Variants in OSCP1 observed in about 807,000 individuals in gnomAD.
The protein encoded by OSCP1 is organic solute carrier partner 1, also known as protein OSCP1.
In OSCP1, 35 loss-of-function variants were observed where a neutral mutation model predicts 45.1. That is an observed-to-expected ratio of 0.78 (90% CI 0.59 to 1.03). The LOEUF (loss-of-function observed/expected upper bound fraction) is 1.03. Ranked by LOEUF, OSCP1 falls within the 50% of genes least tolerant of loss-of-function variation. The pLI, the probability that OSCP1 is intolerant of heterozygous loss-of-function variation, is 0.00. For missense variants in OSCP1, 400 were observed against 470.7 expected (o/e 0.85, Z 1.39); for synonymous variants, 179 against 180.1 (o/e 0.99, Z 0.05).
chr1:36,421,044 A>T (rs1261751755), intron 7 of OSCP1, among the ~76,000 whole-genome samples: 2 of 151,682 alleles, frequency 1.3e-5, no homozygotes, highest in African/African-American at 2.4e-5. Context: ...CCCTCCTCTC[A>T]CAGTCCTCAT....
intron 1 of OSCP1, among the ~76,000 whole-genome samples, chr1:36,443,664 G>GTT (rs1292838372): frequency 6.6e-6 from 1 of 152,174 alleles, no homozygotes; most frequent in African/African-American, 2.4e-5. Context: ...AAACAAAGTT[G>GTT]TTTTAAGGAC....
At position 36,432,475 on chromosome 1, in the gene OSCP1, C is replaced by T. The variant is rs1444020145; in HGVS notation, c.382G>A (p.Asp128Asn). The change falls in exon 3 of 10, where the codon GAC (aspartate) becomes AAC (asparagine). Residue 128 changes from aspartate (D) to asparagine (N), a missense_variant. By Grantham distance (23) the Asp-to-Asn change is conservative (BLOSUM62 1). Coordinates refer to ENST00000235532, the MANE Select transcript of OSCP1 (RefSeq NM_145047.5). ...HLDTIKGFIR[D>N]SPTILQQVDE... ...ACTTGCTGCAGGATGGTTGGGGAGT[C>T]TCGGATGAATCCCTTGATGGTATCC... 1.2e-6 allele frequency: 2 copies of T among 1,614,024 alleles called. No individual in the cohort carries two copies. The highest frequency in any genetic ancestry group is 1.3e-5 in the African/African-American group (1 of 74,898).
chr1:36,420,331 T>A, intron 8 of OSCP1, 145 bp downstream of exon 8: 1 of 1,026,626 alleles, frequency 9.7e-7, no homozygotes, highest in South Asian at 1.7e-5. Flanking sequence ...CCTGGTGGGC[T>A]ATTTAGATTA....
At chr1:36,449,693 T>C (rs1213625595) in intron 1 of OSCP1, among the ~76,000 whole-genome samples, 1 of 146,126 alleles carries the variant, frequency 6.8e-6, no homozygotes, top group Non-Finnish European at 1.5e-5. Flanking sequence ...AAAAATTAGC[T>C]GGGTGTGGTG....
rs191498125 is a variant in OSCP1, at chr1:36,438,964, C to T, written c.113-54G>A. On this transcript the variant is annotated intron_variant, in intron 1 of 9. Transcript: ENST00000235532. ...GCAAAGTACTGAAGCAAGCCTATCCCGAAATGCTCTTTGTGTGCAGGTACA... is the reference window on the plus strand; with the variant it reads ...GCAAAGTACTGAAGCAAGCCTATCCTGAAATGCTCTTTGTGTGCAGGTACA... 1,018 of 1,574,150 alleles carry T rather than the reference C, an allele frequency of 6.5e-4. 4 individuals carry two copies. The highest frequency in any genetic ancestry group is 1.3e-3 in the South Asian group (113 of 86,572).
chr1:36,428,208 A>AAG, intron 4 of OSCP1: 2 of 1,363,066 alleles, frequency 1.5e-6, no homozygotes, highest in Non-Finnish European at 9.5e-7. Flanking sequence ...AAAAAAAAAA[A>AAG]AAGAAAGAAA....
chr1:36,450,179 G>T, intron 1 of OSCP1, 79 bp downstream of exon 1: 2 of 1,158,804 alleles, frequency 1.7e-6, no homozygotes, highest in Non-Finnish European at 2.6e-6. Context: ...GTGCGGGTCT[G>T]GCTGTGGGTG....
At chr1:36,427,397 A>G (rs1170845643) in intron 4 of OSCP1, among the ~76,000 whole-genome samples, 1 of 150,306 alleles carries the variant, frequency 6.7e-6, no homozygotes. Context: ...TCCTAGGCTC[A>G]AGGAATCCTC....
intron 3 of OSCP1, 132 bp downstream of exon 3, chr1:36,432,290 A>T: frequency 9.0e-7 from 1 of 1,116,462 alleles, no homozygotes; most frequent in Non-Finnish European, 1.3e-6. Context: ...ATTGCTTTTC[A>T]GAATGTTCTG....
chr1:36,439,309 C>G (rs1258550490), intron 1 of OSCP1, among the ~76,000 whole-genome samples: 1 of 152,052 alleles, frequency 6.6e-6, no homozygotes, highest in Non-Finnish European at 1.5e-5. Context: ...TCACTTGATG[C>G]CAGGAGTTTG....
At chr1:36,444,045 A>G in intron 1 of OSCP1, 2 of 1,612,632 alleles carry the variant, frequency 1.2e-6, no homozygotes, top group Non-Finnish European at 8.5e-7. Flanking sequence ...TACATGAAGC[A>G]TACAAAAAGA....
chr1:36,423,904 A>C (rs1647810318), intron 4 of OSCP1, among the ~76,000 whole-genome samples: 1 of 151,988 alleles, frequency 6.6e-6, no homozygotes, highest in African/African-American at 2.4e-5. Context: ...AAAAGAAGGG[A>C]GAAAAAATTA....
At chr1:36,443,537 C>T (rs1448744125) in intron 1 of OSCP1, among the ~76,000 whole-genome samples, 1 of 152,188 alleles carries the variant, frequency 6.6e-6, no homozygotes, top group African/African-American at 2.4e-5. Context: ...CTTCTGCCCA[C>T]AGTCCTGGCA....
intron 1 of OSCP1, among the ~76,000 whole-genome samples, chr1:36,444,314 T>C (rs1050923468): frequency 6.6e-6 from 1 of 152,218 alleles, no homozygotes; most frequent in Non-Finnish European, 1.5e-5. Context: ...GTGGTTCATC[T>C]TGAAAGGCCC....
At position 36,418,988 on chromosome 1, in the gene OSCP1, T is replaced by C. The variant is rs1450192695; in HGVS notation, c.1023+3A>G. On this transcript the variant is annotated splice_donor_region_variant and intron_variant, in intron 9 of 9. Transcript: ENST00000235532. ...TGGACCCTGTGTTATCCCCTGTACGTACCTGGGTGGCTTGTATGTTGATAA... is the reference window on the plus strand; with the variant it reads ...TGGACCCTGTGTTATCCCCTGTACGCACCTGGGTGGCTTGTATGTTGATAA... The C allele has an allele frequency of 6.2e-7, 1 of 1,600,294 alleles. No individual in the cohort carries two copies. Among genetic ancestry groups the C allele is most frequent in the Admixed American group, 1.7e-5 (1 of 59,950 alleles).
chr1:36,426,000 C>G (rs1028516873), intron 4 of OSCP1, among the ~76,000 whole-genome samples: 1 of 152,070 alleles, frequency 6.6e-6, no homozygotes, highest in Non-Finnish European at 1.5e-5. Context: ...TGTAGAGACA[C>G]TTCAGAGATG....
chr1:36,431,774 G>A (rs1190852210), intron 4 of OSCP1, 28 bp downstream of exon 4: 1 of 1,606,894 alleles, frequency 6.2e-7, no homozygotes, highest in South Asian at 1.1e-5. Flanking sequence ...CAGCTCCTGA[G>A]TGTTCCCAGG....
intron 4 of OSCP1, 98 bp from the exon 5 acceptor site, chr1:36,423,564 C>T (rs978378729): frequency 1.2e-5 from 11 of 939,602 alleles, no homozygotes; most frequent in Admixed American, 2.3e-5. Context: ...GGAACATGAC[C>T]TATGAGTTTA....
At chr1:36,449,835 C>CAAAAAAAAAAAAAAA (rs67376533) in intron 1 of OSCP1, among the ~76,000 whole-genome samples, 2 of 20,334 alleles carry the variant, frequency 9.8e-5, no homozygotes, top group Non-Finnish European at 1.6e-4. Context: ...GACCCTGTCT[C>CAAAAAAAAAAAAAAA]AAAAAAAAAA....
Sources: gnomAD v4.1 joint callset for allele counts (sites outside exome capture counted in the v4.1 genomes callset) on GRCh38, gnomAD v4.1.1 for gene constraint, MANE v1.5 for transcripts, NCBI Gene and HGNC (gene_info 2026-07-23, HGNC 2026-07-21) for gene names.